RASGRP1: variants seen among roughly 807,000 people sequenced by gnomAD.
RASGRP1 encodes RAS guanyl releasing protein 1.
Under a neutral mutation model 95.1 loss-of-function variants are expected in RASGRP1, and 37 were observed. The ratio of observed to expected loss-of-function variants is 0.39; its 90% CI spans 0.30 to 0.51. The LOEUF (loss-of-function observed/expected upper bound fraction) is 0.51. Among genes scored for constraint, RASGRP1 ranks in the 20% least tolerant of loss-of-function variants. The pLI, the probability that RASGRP1 is intolerant of heterozygous loss-of-function variation, is 0.80. For missense variants in RASGRP1, 711 were observed against 965.4 expected (o/e 0.74, Z 3.49); for synonymous variants, 325 against 353.4 (o/e 0.92, Z 0.90).
At chr15:38,553,189 T>C (rs573094062) in intron 2 of RASGRP1, among the ~76,000 whole-genome samples, 80 of 152,336 alleles carry the variant, frequency 5.3e-4, no homozygotes, top group Non-Finnish European at 4.9e-4. Flanking sequence ...AACTAGGTTG[T>C]AGCCAAAGCT....
At chr15:38,516,838 C>G (rs995901350) in intron 5 of RASGRP1, among the ~76,000 whole-genome samples, 10 of 152,084 alleles carry the variant, frequency 6.6e-5, no homozygotes, top group Non-Finnish European at 1.3e-4. Context: ...GGGAGGGAAT[C>G]ACGCGTAGAA....
chr15:38,503,511 C>T, intron 10 of RASGRP1, 135 bp from the exon 11 acceptor site: 1 of 733,508 alleles, frequency 1.4e-6, no homozygotes, highest in South Asian at 1.7e-5. Flanking sequence ...GAGCAGAGAA[C>T]CCACAGGCAA....
Position 38,507,829 on chromosome 15 carries a change from A to C in RASGRP1, c.1139T>G (p.Val380Gly), listed in dbSNP as rs1368192890. 6.2e-7 allele frequency: 1 copy of C among 1,613,368 alleles called. No individual in the cohort carries two copies. Among genetic ancestry groups the C allele is most frequent in the Admixed American group, 1.7e-5 (1 of 59,962 alleles). ...PDYLEDGKVN[V>G]HKLLALYNHI... is the part of the protein sequence containing the mutation. ...ATTGTATAGGGCCAGTAGCTTATGG[A>C]CGTTCACTTTCCCGTCCTCCAGATA... is the stretch of plus-strand genomic sequence containing the variant. The change falls in exon 9 of 17, where the codon GTC becomes GGC. Residue 380 changes from valine to glycine, a missense_variant. Around this residue, in one of 3 missense-constraint regions of RASGRP1, gnomAD observed 491 missense variants for 676.6 expected, o/e 0.73. Coordinates refer to ENST00000310803, the MANE Select transcript of RASGRP1 (RefSeq NM_005739.4).
chr15:38,495,444 A>G (rs1010020138), intron 15 of RASGRP1, among the ~76,000 whole-genome samples: 1 of 152,218 alleles, frequency 6.6e-6, no homozygotes, highest in Non-Finnish European at 1.5e-5. Flanking sequence ...TGGGCGATAG[A>G]TAGGCTTTAA....
At chr15:38,548,555 C>T (rs1351963533) in intron 2 of RASGRP1, among the ~76,000 whole-genome samples, 2 of 152,138 alleles carry the variant, frequency 1.3e-5, no homozygotes, top group Non-Finnish European at 2.9e-5. Context: ...TCCTGTGTGA[C>T]ACAGCAAGAC....
intron 8 of RASGRP1, among the ~76,000 whole-genome samples, chr15:38,510,708 C>A (rs1004708340): frequency 6.6e-6 from 1 of 152,216 alleles, no homozygotes; most frequent in African/African-American, 2.4e-5. Context: ...GCCTGTAATT[C>A]CAATACTTTA....
intron 16 of RASGRP1, among the ~76,000 whole-genome samples, chr15:38,493,116 G>A (rs560241424): frequency 1.3e-5 from 2 of 150,856 alleles, no homozygotes; most frequent in Non-Finnish European, 2.9e-5. Context: ...TCGTGACCTC[G>A]TGATCCGCCC....
chr15:38,491,394 G>A (rs574335065), intron 16 of RASGRP1, among the ~76,000 whole-genome samples: 25 of 152,174 alleles, frequency 1.6e-4, no homozygotes, highest in South Asian at 6.2e-4. Context: ...ATGTGCCTGC[G>A]CTGTGTGACA....
At position 38,489,232 on chromosome 15, in the gene RASGRP1, AGG is replaced by A. The variant is rs1890474960; in HGVS notation, c.*1320_*1321del. On this transcript the variant is annotated 3_prime_UTR_variant, in exon 17 of 17. Transcript: ENST00000310803. ...GCATGGAAGCTAAGTACCCCCAAAA[AGG>A]AAAATGATCATATGATTTTTTTTTT... 1 of 151,854 alleles carries A rather than the reference AGG, an allele frequency of 6.6e-6. No individual in the cohort carries two copies. The highest frequency in any genetic ancestry group is 1.5e-5 in the Non-Finnish European group (1 of 67,884). The allele number at this position is 151,854 out of a possible 1,614,324, so 9.4% of individuals were successfully genotyped here. A position where few individuals can be genotyped will look rare whatever the true frequency, so the allele number is the denominator to read the frequency against.
intron 2 of RASGRP1, among the ~76,000 whole-genome samples, chr15:38,543,801 A>G (rs1165656774): frequency 6.6e-6 from 1 of 151,406 alleles, no homozygotes; most frequent in Admixed American, 6.6e-5. Flanking sequence ...ACATCTATTC[A>G]TCTTACTTTA....
chr15:38,502,267 C>G (rs1375902600), intron 12 of RASGRP1, 45 bp downstream of exon 12: 1 of 1,377,594 alleles, frequency 7.3e-7, no homozygotes, highest in East Asian at 2.3e-5. Flanking sequence ...AACCTATTCT[C>G]ACCAATGGGC....
intron 7 of RASGRP1, 149 bp downstream of exon 7, chr15:38,512,632 TAG>T: frequency 1.1e-6 from 1 of 907,594 alleles, no homozygotes; most frequent in South Asian, 1.7e-5. Context: ...TCACCATATC[TAG>T]ATCTGGTTGA....
chr15:38,513,934 G>GTGAGTGGTCTGC (rs1320755499), intron 6 of RASGRP1, among the ~76,000 whole-genome samples: 1 of 152,218 alleles, frequency 6.6e-6, no homozygotes, highest in Non-Finnish European at 1.5e-5. Flanking sequence ...GTAAGAGCCA[G>GTGAGTGGTCTGC]TGAGTGGTCT....
intron 8 of RASGRP1, among the ~76,000 whole-genome samples, chr15:38,508,752 T>C (rs1487354717): frequency 6.6e-6 from 1 of 152,180 alleles, no homozygotes; most frequent in Non-Finnish European, 1.5e-5. Flanking sequence ...AGCAGCCAGA[T>C]CTAGTTTTCT....
At chr15:38,560,308 C>T in intron 1 of RASGRP1, 1 of 403,430 alleles carries the variant, frequency 2.5e-6, no homozygotes, top group South Asian at 2.5e-5. Flanking sequence ...CTTGGCAGTC[C>T]TTAGCTCCCA....
At chr15:38,511,015 T>C (rs748048099) in intron 8 of RASGRP1, among the ~76,000 whole-genome samples, 1 of 152,206 alleles carries the variant, frequency 6.6e-6, no homozygotes, top group Non-Finnish European at 1.5e-5. Context: ...GATAAAAGTA[T>C]ATTCTGTAAA....
intron 3 of RASGRP1, among the ~76,000 whole-genome samples, chr15:38,524,726 A>G (rs1241447458): frequency 1.3e-5 from 2 of 152,154 alleles, no homozygotes; most frequent in East Asian, 1.9e-4. Context: ...AACCCTAACA[A>G]TGGAATGAAG....
At chr15:38,558,633 C>G (rs1327659346) in intron 2 of RASGRP1, among the ~76,000 whole-genome samples, 2 of 152,116 alleles carry the variant, frequency 1.3e-5, no homozygotes, top group East Asian at 3.8e-4. Flanking sequence ...GCAATGTGTG[C>G]TAAAAAACAA....
intron 10 of RASGRP1, chr15:38,503,864 A>T (rs1359512654): frequency 1.1e-5 from 2 of 190,236 alleles, no homozygotes; most frequent in African/African-American, 4.8e-5. Context: ...TGTTCTGAGA[A>T]ATGTGTCATG....
Sources: allele counts gnomAD v4.1 joint callset (sites outside exome capture counted in the v4.1 genomes callset), GRCh38; gene constraint gnomAD v4.1.1; regional missense constraint gnomAD v4.1.1; transcripts MANE v1.5; gene names NCBI Gene and HGNC (gene_info 2026-07-23, HGNC 2026-07-21).